Variants in LMBR1 observed in about 807,000 individuals in gnomAD.
LMBR1 encodes limb development membrane protein 1, also known as limb region 1 protein homolog.
A neutral mutation model predicts 73.9 loss-of-function variants in LMBR1; 52 were observed. The observed-to-expected ratio is 0.70, with a 90% CI of 0.56 to 0.89. LMBR1 has a LOEUF of 0.89. LMBR1 is among the 40% of genes least tolerant of loss of function. The pLI is 0.00. For missense variants in LMBR1, 539 were observed against 579.8 expected, an observed-to-expected ratio of 0.93 and a Z score of 0.72; for synonymous variants, 215 against 209.4, an observed-to-expected ratio of 1.03 and a Z score of -0.23.
At chr7:156,843,213 C>T (rs1423679786) in intron 1 of LMBR1, among the ~76,000 whole-genome samples, 2 of 152,154 alleles carry the variant, frequency 1.3e-5, no homozygotes, top group Non-Finnish European at 2.9e-5. Flanking sequence ...ATTCTTACTC[C>T]ACAAGCTCTT....
intron 5 of LMBR1, among the ~76,000 whole-genome samples, chr7:156,789,722 A>AAG (rs1828862006): frequency 6.6e-6 from 1 of 152,232 alleles, no homozygotes; most frequent in Non-Finnish European, 1.5e-5. Context: ...GGCCTGTGGT[A>AAG]TCCTAATGAC....
At chr7:156,748,008 T>A (rs528331618) in intron 9 of LMBR1, 1 of 152,320 alleles carries the variant, frequency 6.6e-6, no homozygotes, top group African/African-American at 2.4e-5. Flanking sequence ...CTCTAATGTA[T>A]CTATTTCAGC....
At chr7:156,808,118 A>C (rs1277901257) in intron 4 of LMBR1, among the ~76,000 whole-genome samples, 1 of 152,180 alleles carries the variant, frequency 6.6e-6, no homozygotes, top group African/African-American at 2.4e-5. Context: ...AATGTTAATT[A>C]GGTCAAGTCA....
At chr7:156,674,971 T>A (rs1295108036), downstream of LMBR1, among the ~76,000 whole-genome samples, 3 of 152,150 alleles carry the variant, frequency 2.0e-5, no homozygotes, top group Admixed American at 6.5e-5. Context: ...AGGGAAACAA[T>A]ATACCCTTTT....
At chr7:156,795,853 T>C (rs755954979) in intron 5 of LMBR1, among the ~76,000 whole-genome samples, 1 of 152,192 alleles carries the variant, frequency 6.6e-6, no homozygotes. Context: ...CACCCGGCCA[T>C]TGACTAAATT....
chr7:156,806,906 C>T (rs1332108571), intron 4 of LMBR1, among the ~76,000 whole-genome samples: 4 of 152,184 alleles, frequency 2.6e-5, no homozygotes, highest in Non-Finnish European at 4.4e-5. Flanking sequence ...GCCACTACGC[C>T]CAGCCTGATG....
At position 156,787,259 on chromosome 7, in the gene LMBR1, T is replaced by A. The variant is rs539391696; in HGVS notation, c.423+9130A>T. 3.3e-5 allele frequency among the ~76,000 whole-genome samples: 5 copies of A among 152,344 alleles called. No homozygotes were observed. In the South Asian group the frequency reaches 1.0e-3, roughly 32 times the overall value. On this transcript the variant is annotated intron_variant, in intron 5 of 16. Coordinates refer to ENST00000353442, the MANE Select transcript of LMBR1 (RefSeq NM_022458.4). ...TACCTTGTGACCACCCTCTCTCCCC[T>A]GCTGAGGAAACCATAGCCTGGCTTA...
At position 156,779,894 on chromosome 7, in the gene LMBR1, T is replaced by A. The variant is rs992816512; in HGVS notation, c.424-16099A>T. 3.3e-5 allele frequency among the ~76,000 whole-genome samples: 5 copies of A among 152,304 alleles called. No individual in the cohort carries two copies. The East Asian group carries it at 7.7e-4, about 23-fold the overall frequency. ...ACATTAAAATAAGGTTTGCTCAGCA[T>A]GGCATCAAGATTGCACCAAACATAT... On this transcript the variant is annotated intron_variant, in intron 5 of 16. Transcript: ENST00000353442.
At position 156,681,154 on chromosome 7, in the gene LMBR1, T is replaced by C; in HGVS notation, c.*2924A>G. The C allele has an allele frequency of 2.2e-6, 1 of 452,232 alleles. No homozygotes were observed. 28.0% of individuals were successfully genotyped at this position (452,232 alleles called of 1,614,324 possible). ...ACGTGCTACCAACAAAACTAGCACA[T>C]AAGAGCCTGTAAATGATGAAAACCT... On this transcript the variant is annotated 3_prime_UTR_variant, in exon 17 of 17. Coordinates refer to ENST00000353442, the MANE Select transcript of LMBR1 (RefSeq NM_022458.4).
intron 9 of LMBR1, among the ~76,000 whole-genome samples, chr7:156,741,694 C>T (rs1818925499): frequency 6.6e-6 from 1 of 152,096 alleles, no homozygotes; most frequent in African/African-American, 2.4e-5. Context: ...AATACAATAA[C>T]AGCTAGAGAC....
At chr7:156,762,854 T>A (rs867749080) in intron 7 of LMBR1, among the ~76,000 whole-genome samples, 4 of 151,834 alleles carry the variant, frequency 2.6e-5, no homozygotes, top group Non-Finnish European at 5.9e-5. Context: ...TGAGTGTGTG[T>A]GTGTGTGTGT....
At chr7:156,867,614 T>C (rs1281206049) in intron 1 of LMBR1, among the ~76,000 whole-genome samples, 2 of 152,236 alleles carry the variant, frequency 1.3e-5, no homozygotes, top group Non-Finnish European at 2.9e-5. Flanking sequence ...ACAACATGGC[T>C]AAACTTTGAA....
At chr7:156,705,734 A>G (rs2132114948) in intron 15 of LMBR1, among the ~76,000 whole-genome samples, 1 of 152,338 alleles carries the variant, frequency 6.6e-6, no homozygotes, top group South Asian at 2.1e-4. Context: ...AAAGGAAGAT[A>G]TTCACCGTCA....
chr7:156,814,048 C>G (rs1833521416), intron 4 of LMBR1, among the ~76,000 whole-genome samples: 1 of 152,084 alleles, frequency 6.6e-6, no homozygotes, highest in African/African-American at 2.4e-5. Flanking sequence ...TTTTAGTGCA[C>G]CAAGAATAAG....
At position 156,794,804 on chromosome 7, in the gene LMBR1, G is replaced by T. The variant is rs545222572; in HGVS notation, c.423+1585C>A. Among the ~76,000 whole-genome samples the T allele has an allele frequency of 1.3e-3, 194 of 152,252 alleles. 1 individual carries two copies. Among genetic ancestry groups the T allele is most frequent in the Non-Finnish European group, 2.1e-3 (143 of 68,022 alleles). The stretch of plus-strand genomic sequence containing the variant: ...GGCAATGTCACAGAGTCAGGTGCAG[G>T]ACTGATTCGGTGCCGTGTCTACAGA... On this transcript the variant is annotated intron_variant, in intron 5 of 16. Coordinates refer to ENST00000353442, the MANE Select transcript of LMBR1 (RefSeq NM_022458.4).
At chr7:156,785,824 G>A (rs542584592) in intron 5 of LMBR1, among the ~76,000 whole-genome samples, 45 of 152,256 alleles carry the variant, frequency 3.0e-4, no homozygotes, top group African/African-American at 9.9e-4. Context: ...AGGTAGAAGA[G>A]GAGTCATTAG....
intron 9 of LMBR1, among the ~76,000 whole-genome samples, chr7:156,755,203 T>C (rs1289007420): frequency 6.6e-6 from 1 of 152,262 alleles, no homozygotes; most frequent in Non-Finnish European, 1.5e-5. Flanking sequence ...TTTAGCCATC[T>C]AGCAAGGGTT....
At chr7:156,829,285 T>C (rs1218306994) in intron 3 of LMBR1, among the ~76,000 whole-genome samples, 1 of 152,232 alleles carries the variant, frequency 6.6e-6, no homozygotes, top group Non-Finnish European at 1.5e-5. Flanking sequence ...CTAACAGTGA[T>C]ATGGTTTGGA....
chr7:156,701,890 G>A (rs779174885), intron 15 of LMBR1, among the ~76,000 whole-genome samples: 1 of 152,148 alleles, frequency 6.6e-6, no homozygotes, highest in East Asian at 1.9e-4. Flanking sequence ...TTGGTTTTCT[G>A]TTCCTGTGTT....
Sources: allele counts gnomAD v4.1 joint callset (sites outside exome capture counted in the v4.1 genomes callset), GRCh38; gene constraint gnomAD v4.1.1; transcripts MANE v1.5; gene names NCBI Gene and HGNC (gene_info 2026-07-23, HGNC 2026-07-21).